Variants in IKZF4 observed in about 807,000 individuals in gnomAD.
IKZF4 encodes the protein IKAROS family zinc finger 4.
Under a neutral mutation model 47.7 loss-of-function variants are expected in IKZF4, and 11 were observed. The observed-to-expected ratio is 0.23, with a 90% CI of 0.15 to 0.38. The LOEUF is 0.38. Among genes scored for constraint, IKZF4 ranks in the 10% least tolerant of loss-of-function variants. IKZF4 has a pLI of 1.00. For synonymous variants in IKZF4, 298 were observed against 299.4 expected (o/e 1.00, Z 0.05); for missense variants, 557 against 784.9 (o/e 0.71, Z 3.47).
Position 56,021,539 on chromosome 12 carries a change from C to T in IKZF4, c.46C>T (p.Arg16Cys), listed in dbSNP as rs192256726. Residue 16 changes from arginine to cysteine, a missense_variant, in exon 1 of 8, where the codon CGC becomes TGC. Coordinates refer to ENST00000547167, the MANE Select transcript of IKZF4 (RefSeq NM_022465.4). ...ALPRRFQGGGRVRTPGSHRQG... is the reference protein window; with the variant it reads ...ALPRRFQGGGCVRTPGSHRQG... ...CCCTCGCCGTTTCCAAGGCGGCGGC[C>T]GCGTTCGCACCCCAGGGTCTCACCG... 1.9e-5 allele frequency: 30 copies of T among 1,609,210 alleles called. No homozygotes were observed. In the East Asian group the frequency reaches 5.6e-4, roughly 30 times the overall value.
chr12:56,031,356 C>T (rs1257611847), intron 5 of IKZF4, among the ~76,000 whole-genome samples: 1 of 152,090 alleles, frequency 6.6e-6, no homozygotes, highest in Non-Finnish European at 1.5e-5. Context: ...TCATATGTAT[C>T]TCATAAACAT....
chr12:56,007,732 C>T (rs1890869536), exon 1 of IKZF4: 1 of 151,860 alleles, frequency 6.6e-6, no homozygotes. Context: ...GGAGACACCT[C>T]AGGTGAGTGA....
intron 2 of IKZF4, among the ~76,000 whole-genome samples, chr12:56,013,975 AC>A (rs1302360250): frequency 6.6e-6 from 1 of 152,096 alleles, no homozygotes; most frequent in South Asian, 2.1e-4. Flanking sequence ...ACATGGCAAA[AC>A]CCTGTCTCTA....
In IKZF4 at chr12:56,026,855, G is replaced by A; in HGVS notation, c.361G>A (p.Glu121Lys). 1 of 1,613,190 alleles carries A rather than the reference G, an allele frequency of 6.2e-7. No individual in the cohort carries two copies. The highest frequency in any genetic ancestry group is 1.3e-5 in the African/African-American group (1 of 75,016). The part of the protein sequence containing the change: ...RLLGPDERLL[E>K]KDDSVIVEDS... ...GCTGGGGCCAGATGAGCGGCTCCTG[G>A]AAAAGGACGACAGCGTGATTGTGGA... Residue 121 changes from glutamate to lysine, a missense_variant, in exon 4 of 8, where the codon GAA becomes AAA. Glu to Lys is a moderately conservative substitution (Grantham distance 56, BLOSUM62 1). Transcript: ENST00000547167.
Position 56,032,684 on chromosome 12 carries a change from A to C in IKZF4, c.839A>C (p.Glu280Ala). Reference sequence around the variant, plus strand: ...AACTACCTACAGAGTCTCAGCACTGAAGCCCAAGCTTTGGCTGGCCAACCA... The same window carrying C: ...AACTACCTACAGAGTCTCAGCACTGCAGCCCAAGCTTTGGCTGGCCAACCA... ...CHNYLQSLST[E>A]AQALAGQPGD... The change falls in exon 6 of 8, where the codon GAA (glutamate) becomes GCA (alanine). Residue 280 changes from glutamate to alanine, a missense_variant. Glu to Ala is a moderately radical substitution (Grantham distance 107). Transcript: ENST00000547167. The C allele has an allele frequency of 6.2e-7, 1 of 1,614,058 alleles. No homozygotes were observed. The highest frequency in any genetic ancestry group is 8.5e-7 in the Non-Finnish European group (1 of 1,179,904).
At position 56,035,067 on chromosome 12, in the gene IKZF4, C is replaced by A; in HGVS notation, c.1494C>A (p.Asp498Glu). ...GRHSPAYAKE[D>E]PKPQEGLLRG... is the part of the protein sequence containing the mutation. ...ACAGTCCTGCCTACGCCAAAGAGGACCCCAAGCCACAGGAGGGGTTATTGC... is the reference window on the plus strand; with the variant it reads ...ACAGTCCTGCCTACGCCAAAGAGGAACCCAAGCCACAGGAGGGGTTATTGC... The change falls in exon 8 of 8, where the codon GAC becomes GAA. Residue 498 changes from aspartate to glutamate, a missense_variant. Coordinates refer to ENST00000547167, the MANE Select transcript of IKZF4 (RefSeq NM_022465.4). The surrounding 1 kb of genome is among the most constrained non-coding windows in gnomAD (Gnocchi z 6.1). 1.9e-6 allele frequency: 3 copies of A among 1,587,534 alleles called. No homozygotes were observed. The highest frequency in any genetic ancestry group is 2.3e-5 in the South Asian group (2 of 85,642).
chr12:56,012,492 C>G (rs1369705560), intron 2 of IKZF4, among the ~76,000 whole-genome samples: 4 of 151,990 alleles, frequency 2.6e-5, no homozygotes, highest in Non-Finnish European at 1.5e-5. Context: ...AGGCTGGTCT[C>G]GAACTCCTGA....
At chr12:56,032,469 C>A (rs1895045653) in intron 5 of IKZF4, 92 bp from the exon 6 acceptor site, 2 of 1,280,466 alleles carry the variant, frequency 1.6e-6, no homozygotes, top group South Asian at 1.5e-5. Flanking sequence ...CTTTCCTTCC[C>A]ATGCCAGTGT....
At chr12:56,010,287 T>G (rs947506322) in intron 1 of IKZF4, 1 of 152,148 alleles carries the variant, frequency 6.6e-6, no homozygotes, top group Non-Finnish European at 1.5e-5. Flanking sequence ...AACAGAGAGA[T>G]AGGTTCAAAG....
upstream of IKZF4, among the ~76,000 whole-genome samples, chr12:56,016,174 G>A (rs569203334): frequency 1.4e-5 from 2 of 147,232 alleles, no homozygotes. Flanking sequence ...GGGTGGGGGG[G>A]CAGGAAAACA....
chr12:56,010,238 G>T (rs576562491), intron 1 of IKZF4: 1 of 152,266 alleles, frequency 6.6e-6, no homozygotes, highest in African/African-American at 2.4e-5. Context: ...GCTTTGATTT[G>T]CTTCCTCTTC....
intron 1 of IKZF4, among the ~76,000 whole-genome samples, chr12:56,022,293 C>G (rs1348672423): frequency 3.9e-5 from 6 of 152,300 alleles, no homozygotes; most frequent in South Asian, 2.1e-4. Context: ...CTTTCTCTCC[C>G]TCCTGCTTTT....
chr12:56,014,363 C>A (rs1358433796), intron 2 of IKZF4, among the ~76,000 whole-genome samples: 1 of 152,100 alleles, frequency 6.6e-6, no homozygotes, highest in African/African-American at 2.4e-5. Flanking sequence ...TGTTTTGGGG[C>A]CATCTGGGCA....
At chr12:56,031,389 A>G (rs969334563) in intron 5 of IKZF4, among the ~76,000 whole-genome samples, 1 of 152,248 alleles carries the variant, frequency 6.6e-6, no homozygotes, top group African/African-American at 2.4e-5. Flanking sequence ...TGTATCAATT[A>G]TCAATTAAAA....
chr12:56,018,781 G>A (rs764332362), upstream of IKZF4, among the ~76,000 whole-genome samples: 17 of 151,662 alleles, frequency 1.1e-4, no homozygotes, highest in Non-Finnish European at 2.1e-4. Context: ...TATATGAAAT[G>A]TCTCCATTTT....
intron 2 of IKZF4, chr12:56,011,658 C>T (rs535883386): frequency 7.2e-5 from 11 of 152,312 alleles, no homozygotes; most frequent in African/African-American, 2.6e-4. Flanking sequence ...TATATGTAGA[C>T]AGAAGGTCAC....
At chr12:56,008,090 A>G (rs895065849) in intron 1 of IKZF4, among the ~76,000 whole-genome samples, 1 of 152,174 alleles carries the variant, frequency 6.6e-6, no homozygotes, top group South Asian at 2.1e-4. Context: ...AAGGAGCAGC[A>G]AAGAGGGTAT....
chr12:56,021,628 G>A (rs1449141912), intron 1 of IKZF4, 48 bp downstream of exon 1: 20 of 1,563,378 alleles, frequency 1.3e-5, no homozygotes, highest in African/African-American at 2.7e-5. Context: ...GGGGGGTGCT[G>A]GGGCTAGGGA....
chr12:56,031,825 C>A (rs1358007879), intron 5 of IKZF4, among the ~76,000 whole-genome samples: 3 of 152,072 alleles, frequency 2.0e-5, no homozygotes, highest in Non-Finnish European at 2.9e-5. Flanking sequence ...ACAAACAAAC[C>A]CAAATTTGGT....
Sources: allele counts gnomAD v4.1 joint callset (sites outside exome capture counted in the v4.1 genomes callset), GRCh38; gene constraint gnomAD v4.1.1; non-coding constraint Gnocchi (gnomAD v3.1); transcripts MANE v1.5; gene names NCBI Gene and HGNC (gene_info 2026-07-23, HGNC 2026-07-21).